CAMTA1: variants seen among roughly 807,000 people sequenced by gnomAD.
CAMTA1 encodes the protein calmodulin-binding transcription activator 1.
Under a neutral mutation model 170.9 loss-of-function variants are expected in CAMTA1, and 27 were observed. The observed-to-expected ratio is 0.16, with a 90% CI of 0.12 to 0.22. The LOEUF (loss-of-function observed/expected upper bound fraction) is 0.22, where lower values mean the gene tolerates loss of function less well. Among genes scored for constraint, CAMTA1 ranks in the 10% least tolerant of loss-of-function variants. The pLI is 1.00. For synonymous variants in CAMTA1, 833 were observed against 891.5 expected (o/e 0.93, Z 1.17); for missense variants, 1,619 against 2,217.2 (o/e 0.73, Z 5.42).
At chr1:7,192,392 A>G (rs1414548739) in intron 4 of CAMTA1, among the ~76,000 whole-genome samples, 2 of 152,230 alleles carry the variant, frequency 1.3e-5, no homozygotes, top group East Asian at 3.9e-4. Flanking sequence ...GGAGGGGCAG[A>G]GCGGAGGGAA....
At chr1:7,373,159 G>T (rs904185114) in intron 5 of CAMTA1, among the ~76,000 whole-genome samples, 1 of 152,164 alleles carries the variant, frequency 6.6e-6, no homozygotes, top group African/African-American at 2.4e-5. Context: ...TGGTTGTGGG[G>T]GGCTGTCCTG....
At chr1:7,752,376 G>C (rs2096903427) in intron 20 of CAMTA1, 83 bp from the exon 21 acceptor site, 1 of 1,164,752 alleles carries the variant, frequency 8.6e-7, no homozygotes, top group Non-Finnish European at 1.3e-6. Context: ...GCTTAATTCA[G>C]AGTCCTCTGT....
At chr1:7,718,043 A>G (rs976022960) in intron 11 of CAMTA1, among the ~76,000 whole-genome samples, 1 of 152,070 alleles carries the variant, frequency 6.6e-6, no homozygotes, top group African/African-American at 2.4e-5. Flanking sequence ...AGCCAACACA[A>G]TTTCTCTTTA....
chr1:7,561,213 G>A lies in CAMTA1; in HGVS notation c.511-79187G>A, dbSNP rs2094953025. On this transcript the variant is annotated intron_variant, in intron 6 of 22. Transcript: ENST00000303635. This position sits in a 1 kb window ranked among gnomAD's most constrained non-coding sequence, Gnocchi z 5.3. ...ACCACAGCCGATCCAGGCAGGAAGA[G>A]CCCAACAGGTTCAGCAGGAGCACCT... Among the ~76,000 whole-genome samples, 1 of 152,090 alleles carries A rather than the reference G, an allele frequency of 6.6e-6. No individual in the cohort carries two copies. The highest frequency in any genetic ancestry group is 1.5e-5 in the Non-Finnish European group (1 of 67,998).
intron 6 of CAMTA1, among the ~76,000 whole-genome samples, chr1:7,593,489 C>CTTTTTTTTTTTTTTTTTTTTTTTTTTTT (rs35614673): frequency 7.5e-6 from 1 of 134,226 alleles, no homozygotes; most frequent in Non-Finnish European, 1.6e-5. Flanking sequence ...AATCCTAGCA[C>CTTTTTTTTTTTTTTTTTTTTTTTTTTTT]TTTTTTTTTT....
chr1:7,199,854 C>T (rs1194641602), intron 4 of CAMTA1, among the ~76,000 whole-genome samples: 1 of 152,134 alleles, frequency 6.6e-6, no homozygotes, highest in African/African-American at 2.4e-5. Flanking sequence ...ATACCCGCCA[C>T]CAGCTTGAGA....
At position 7,123,100 on chromosome 1, in the gene CAMTA1, G is replaced by A. The variant is rs554735646; in HGVS notation, c.302+31729G>A. ...CCAGCATGATGGTTGGGCACCACGT[G>A]AGTTTCCAGGAGCTGACCTGACAAG... On this transcript the variant is annotated intron_variant, in intron 4 of 22. Coordinates refer to ENST00000303635, the MANE Select transcript of CAMTA1 (RefSeq NM_015215.4). 2.7e-4 allele frequency among the ~76,000 whole-genome samples: 41 copies of A among 152,296 alleles called. 1 individual carries two copies. Among genetic ancestry groups the A allele is most frequent in the Admixed American group, 1.1e-3 (17 of 15,312 alleles).
intron 1 of CAMTA1, among the ~76,000 whole-genome samples, chr1:6,796,228 C>T (rs780594780): frequency 3.1e-4 from 46 of 146,418 alleles, no homozygotes; most frequent in Non-Finnish European, 5.6e-4. Flanking sequence ...ACTGCAGCCT[C>T]GACTTCTTGG....
At chr1:7,677,869 G>A (rs891251262) in intron 11 of CAMTA1, 136 bp downstream of exon 11, 30 of 1,011,000 alleles carry the variant, frequency 3.0e-5, no homozygotes, top group Middle Eastern at 5.2e-4. Context: ...AAGGAAGGCC[G>A]ACTGGGTCTC....
At chr1:6,964,621 G>A (rs1691190132) in intron 3 of CAMTA1, among the ~76,000 whole-genome samples, 1 of 152,128 alleles carries the variant, frequency 6.6e-6, no homozygotes, top group Admixed American at 6.5e-5. Flanking sequence ...TTATTCTCTT[G>A]CCCCCACAGG....
At chr1:6,795,140 C>A (rs1180438816) in intron 1 of CAMTA1, among the ~76,000 whole-genome samples, 1 of 152,104 alleles carries the variant, frequency 6.6e-6, no homozygotes. Flanking sequence ...TTTAGAGACA[C>A]AACTAGTCAT....
At position 7,732,261 on chromosome 1, in the gene CAMTA1, C is replaced by T. The variant is rs575354236; in HGVS notation, c.2915-187C>T. 5.9e-5 allele frequency among the ~76,000 whole-genome samples: 9 copies of T among 152,160 alleles called. No individual in the cohort carries two copies. In the East Asian group the frequency reaches 1.7e-3, roughly 29 times the overall value. On this transcript the variant is annotated intron_variant, in intron 11 of 22. Coordinates refer to ENST00000303635, the MANE Select transcript of CAMTA1 (RefSeq NM_015215.4). The surrounding 1 kb of genome is among the most constrained non-coding windows in gnomAD (Gnocchi z 4.1). ...CGAGAACTTCGGGCTGCTGAAGGTGCCACCATCCTGTGTGAGGTGGTGACA... is the reference window on the plus strand; with the variant it reads ...CGAGAACTTCGGGCTGCTGAAGGTGTCACCATCCTGTGTGAGGTGGTGACA...
chr1:7,163,640 G>T (rs1450355991), intron 4 of CAMTA1, among the ~76,000 whole-genome samples: 1 of 152,212 alleles, frequency 6.6e-6, no homozygotes, highest in African/African-American at 2.4e-5. Flanking sequence ...TGGGAGAAAA[G>T]ATGGCATTTT....
intron 6 of CAMTA1, among the ~76,000 whole-genome samples, chr1:7,568,490 T>A (rs111203667): frequency 0.019 from 2,613 of 140,676 alleles, 43 homozygotes; most frequent in African/African-American, 0.071. Context: ...AACATCACCA[T>A]CATCATCACC....
Position 7,549,923 on chromosome 1 carries a change from A to G in CAMTA1, c.510+82022A>G, listed in dbSNP as rs564968915. On this transcript the variant is annotated intron_variant, in intron 6 of 22. Coordinates refer to ENST00000303635, the MANE Select transcript of CAMTA1 (RefSeq NM_015215.4). ...AGGCTGGCCCCATCTCAGAGACCAC[A>G]GCATCTATAGAGAGAGGAACATAAG... 2.4e-3 allele frequency among the ~76,000 whole-genome samples: 362 copies of G among 152,256 alleles called. 2 individuals carry two copies. In the Middle Eastern group the frequency reaches 0.044, roughly 19 times the overall value.
intron 6 of CAMTA1, among the ~76,000 whole-genome samples, chr1:7,542,517 C>T (rs568102924): frequency 3.8e-4 from 56 of 148,916 alleles, no homozygotes; most frequent in Admixed American, 8.7e-4. Context: ...CTCACTGCAA[C>T]CTCTGCCTCC....
chr1:7,072,167 C>T (rs1638737150), intron 3 of CAMTA1, among the ~76,000 whole-genome samples: 1 of 152,200 alleles, frequency 6.6e-6, no homozygotes, highest in African/African-American at 2.4e-5. Flanking sequence ...GCAATATGTC[C>T]TCAGTTTTCC....
intron 4 of CAMTA1, among the ~76,000 whole-genome samples, chr1:7,155,276 A>G (rs1342502284): frequency 6.6e-6 from 1 of 151,598 alleles, no homozygotes; most frequent in East Asian, 2.0e-4. Flanking sequence ...TGAGACACTC[A>G]AAGCCTCGTC....
At chr1:7,284,770 TC>T (rs1557440563) in intron 5 of CAMTA1, among the ~76,000 whole-genome samples, 1 of 152,198 alleles carries the variant, frequency 6.6e-6, no homozygotes, top group East Asian at 1.9e-4. Context: ...TGGAACACTT[TC>T]CTCGCTTTAC....
Sources: gnomAD v4.1 joint callset for allele counts (sites outside exome capture counted in the v4.1 genomes callset) on GRCh38, gnomAD v4.1.1 for gene constraint, Gnocchi (gnomAD v3.1) non-coding constraint, MANE v1.5 for transcripts, NCBI Gene and HGNC (gene_info 2026-07-23, HGNC 2026-07-21) for gene names.